Variants in APOO observed in about 807,000 individuals in gnomAD.
APOO encodes the protein apolipoprotein O, also known as MICOS complex subunit MIC26.
Under a neutral mutation model 23.1 loss-of-function variants are expected in APOO, and 11 were observed. That is an observed-to-expected ratio of 0.48 (90% CI 0.30 to 0.79). APOO has a LOEUF of 0.79. Ranked by LOEUF, APOO falls within the 30% of genes least tolerant of loss-of-function variation. The probability of loss-of-function intolerance (pLI) is 0.07; values close to 1 mark genes in which losing one functional copy is unlikely to be tolerated. For missense variants in APOO, 160 were observed against 142.7 expected, an observed-to-expected ratio of 1.12 and a Z score of -0.62; for synonymous variants, 59 against 54.8, an observed-to-expected ratio of 1.08 and a Z score of -0.34.
At chrX:23,850,780 C>T (rs1924499786) in intron 7 of APOO, among the ~76,000 whole-genome samples, 1 of 111,569 alleles carries the variant, frequency 9.0e-6, no homozygotes, top group Admixed American at 9.6e-5. Flanking sequence ...TGAGTCATGA[C>T]TGCACCACTA....
Position 23,842,483 on chromosome X carries a change from G to A in APOO, c.562-2106C>T, listed in dbSNP as rs192061429. On this transcript the variant is annotated intron_variant, in intron 7 of 8. Transcript: ENST00000379226. ...ATTTTCTTAACACATCCATGAACAC[G>A]AATAACAATTTCTGTTAGCAAAATT... 2.3e-3 allele frequency among the ~76,000 whole-genome samples: 257 copies of A among 111,270 alleles called. 2 individuals carry two copies. The highest frequency in any genetic ancestry group is 4.0e-3 in the Non-Finnish European group (210 of 53,001).
At chrX:23,888,139 ACT>A (rs1472728598) in intron 1 of APOO, among the ~76,000 whole-genome samples, 1 of 111,729 alleles carries the variant, frequency 9.0e-6, no homozygotes, top group Non-Finnish European at 1.9e-5. Flanking sequence ...TGGACCTTAG[ACT>A]CTCTATGTCT....
intron 1 of APOO, among the ~76,000 whole-genome samples, chrX:23,905,127 A>T (rs1461525372): frequency 9.1e-6 from 1 of 109,646 alleles, no homozygotes; most frequent in Non-Finnish European, 1.9e-5. Flanking sequence ...GGTGGGTCAC[A>T]CCTGTAATCC....
chrX:23,888,772 C>T (rs1228167625), intron 1 of APOO, among the ~76,000 whole-genome samples: 1 of 103,028 alleles, frequency 9.7e-6, no homozygotes, highest in Non-Finnish European at 2.0e-5. Context: ...ATCGTTTGAA[C>T]CTGGAAGGTG....
chrX:23,857,904 C>T (rs1020252452), intron 6 of APOO, among the ~76,000 whole-genome samples: 2 of 111,163 alleles, frequency 1.8e-5, no homozygotes, highest in African/African-American at 6.5e-5. Flanking sequence ...AATAACAAAC[C>T]ACCGGAGGGC....
intron 1 of APOO, among the ~76,000 whole-genome samples, chrX:23,894,496 T>A (rs1926812418): frequency 8.9e-6 from 1 of 112,031 alleles, no homozygotes; most frequent in African/African-American, 3.2e-5. Flanking sequence ...ATTTTAAGCC[T>A]AAAAGAAAAT....
intron 1 of APOO, among the ~76,000 whole-genome samples, chrX:23,885,402 T>A (rs1214290405): frequency 1.9e-5 from 2 of 105,291 alleles, no homozygotes; most frequent in African/African-American, 6.9e-5. Flanking sequence ...TATATATATA[T>A]AAATATATAA....
At chrX:23,841,299 A>C (rs1923958822) in intron 7 of APOO, among the ~76,000 whole-genome samples, 2 of 109,841 alleles carry the variant, frequency 1.8e-5, no homozygotes, top group African/African-American at 3.3e-5. Flanking sequence ...GAACTGGTCT[A>C]TAAGTACTGT....
At chrX:23,864,372 G>A (rs1039577854) in intron 5 of APOO, among the ~76,000 whole-genome samples, 9 of 110,510 alleles carry the variant, frequency 8.1e-5, no homozygotes, top group Admixed American at 6.8e-4. Flanking sequence ...GTGCGATCTC[G>A]GCTTGCTGCA....
At chrX:23,850,036 A>T (rs1381478467) in intron 7 of APOO, among the ~76,000 whole-genome samples, 2 of 112,270 alleles carry the variant, frequency 1.8e-5, no homozygotes, top group Non-Finnish European at 3.7e-5. Flanking sequence ...CGGTATTGTG[A>T]TCATATAAAT....
intron 8 of APOO, chrX:23,837,465 C>G: frequency 2.4e-6 from 1 of 418,912 alleles, no homozygotes; most frequent in Non-Finnish European, 4.1e-6. Flanking sequence ...TGAAGTCCAG[C>G]CTGGGTAACA....
intron 2 of APOO, 21 bp downstream of exon 2, chrX:23,880,824 G>T: frequency 9.5e-7 from 1 of 1,051,226 alleles, no homozygotes; most frequent in Non-Finnish European, 1.3e-6. Flanking sequence ...AAAATATATC[G>T]CAACATGAAC....
At chrX:23,907,651 G>A (rs1273380817) in intron 1 of APOO, 43 bp downstream of exon 1, 2 of 1,144,987 alleles carry the variant, frequency 1.7e-6, no homozygotes, top group South Asian at 2.0e-5. Context: ...TCGGGCGGCC[G>A]GGAGGGGGCG....
At chrX:23,865,601 CAAA>C (rs60702124) in intron 5 of APOO, among the ~76,000 whole-genome samples, 1 of 91,415 alleles carries the variant, frequency 1.1e-5, no homozygotes, top group Non-Finnish European at 2.2e-5. Context: ...AAGACTGTCT[CAAA>C]AAAAAAAAAA....
chrX:23,881,563 T>TAAAAAAAA (rs60466764), intron 1 of APOO, among the ~76,000 whole-genome samples: 1 of 9,174 alleles, frequency 1.1e-4, no homozygotes, highest in Non-Finnish European at 1.5e-4. Context: ...ATCGCTCCAC[T>TAAAAAAAA]AAAAAAAAAA....
chrX:23,878,803 C>T, intron 3 of APOO, 112 bp downstream of exon 3: 1 of 976,593 alleles, frequency 1.0e-6, no homozygotes, highest in Admixed American at 2.7e-5. Context: ...CCTCTGTCAA[C>T]CATCTCAGGG....
chrX:23,855,024 T>TTTTTTTTC (rs1488773938), intron 7 of APOO, among the ~76,000 whole-genome samples: 1 of 107,060 alleles, frequency 9.3e-6, no homozygotes, highest in Admixed American at 1.0e-4. Context: ...ATTAGTGGGG[T>TTTTTTTTC]TTTTTTTCTT....
At chrX:23,893,440 A>C (rs1926762569) in intron 1 of APOO, among the ~76,000 whole-genome samples, 1 of 110,764 alleles carries the variant, frequency 9.0e-6, no homozygotes, top group Non-Finnish European at 1.9e-5. Context: ...TAAATAAATA[A>C]ATAAATAAAA....
chrX:23,879,033 A>G lies in APOO; in HGVS notation c.119T>C (p.Leu40Pro). 1 of 1,208,260 alleles carries G rather than the reference A, an allele frequency of 8.3e-7. No homozygotes were observed. The highest frequency in any genetic ancestry group is 3.0e-5 in the East Asian group (1 of 33,777). Residue 40 changes from leucine to proline, a missense_variant and splice_region_variant, in exon 3 of 9, where the codon CTT becomes CCT. Coordinates refer to ENST00000379226, the MANE Select transcript of APOO (RefSeq NM_024122.5). ...ACCCTCAGGAACTGAGTAGAGTGAA[A>G]GCTGCGCACATTAAAACAAAACAAA... ...PPKNSVKVDE[L>P]SLYSVPEGQS...
Sources: allele counts gnomAD v4.1 joint callset (sites outside exome capture counted in the v4.1 genomes callset), GRCh38; gene constraint gnomAD v4.1.1; transcripts MANE v1.5; gene names NCBI Gene and HGNC (gene_info 2026-07-23, HGNC 2026-07-21).